The following MON2 variants were observed in gnomAD, a reference collection of about 807,000 sequenced individuals.
MON2 encodes MON2 regulator of endosome-to-Golgi trafficking.
In MON2, 84 loss-of-function variants were observed where a neutral mutation model predicts 208.6. The observed-to-expected ratio is 0.40, with a 90% confidence interval of 0.34 to 0.48. MON2 has a LOEUF of 0.48. MON2 is among the 20% of genes least tolerant of loss of function. The pLI is 0.59. For missense variants in MON2, 1,611 were observed against 2,015.4 expected (o/e 0.80, Z 3.84); for synonymous variants, 660 against 694.0 (o/e 0.95, Z 0.77).
In MON2 at chr12:62,494,032, TC is replaced by T; in HGVS notation, c.294del (p.Val99CysfsTer9). 6.2e-7 allele frequency: 1 copy of T among 1,612,492 alleles called. No individual in the cohort carries two copies. Among genetic ancestry groups the T allele is most frequent in the Non-Finnish European group, 8.5e-7 (1 of 1,179,018 alleles). ...ATTCAGAGACTCATGTCACATGAAG[TC>T]GTGTCTGAGGTAATATGAAGATTTT... The part of the protein sequence containing the change: ...AAIQRLMSHE[V>X]VSETAAGNII... On this transcript the variant is annotated frameshift_variant, in exon 3 of 35. Coordinates refer to ENST00000393630, the MANE Select transcript of MON2 (RefSeq NM_015026.3). LOFTEE classifies it high-confidence loss of function.
chr12:62,560,310 A>T (rs1362043915), intron 25 of MON2, 181 bp from the exon 26 acceptor site: 7 of 573,878 alleles, frequency 1.2e-5, no homozygotes, highest in African/African-American at 3.9e-5. Flanking sequence ...TTTTTTACTG[A>T]ATTTCTAGGT....
intron 30 of MON2, among the ~76,000 whole-genome samples, chr12:62,577,140 C>G (rs2074821498): frequency 6.6e-6 from 1 of 151,980 alleles, no homozygotes; most frequent in Non-Finnish European, 1.5e-5. Flanking sequence ...TTAAACACAA[C>G]TTTTGTCTCT....
chr12:62,487,851 A>C (rs2069888457), intron 2 of MON2, among the ~76,000 whole-genome samples: 1 of 152,132 alleles, frequency 6.6e-6, no homozygotes. Flanking sequence ...AAATACAAGA[A>C]ATACACTTGA....
At chr12:62,585,585 T>C in intron 33 of MON2, 84 bp downstream of exon 33, 1 of 1,106,694 alleles carries the variant, frequency 9.0e-7, no homozygotes, top group South Asian at 1.7e-5. Context: ...AGCAAGTGTT[T>C]TTGTAAGTGA....
intron 1 of MON2, among the ~76,000 whole-genome samples, chr12:62,472,590 G>C (rs752063363): frequency 2.7e-4 from 41 of 152,182 alleles, no homozygotes; most frequent in Non-Finnish European, 4.4e-4. Flanking sequence ...CAGGTGTTTT[G>C]CTTTGTTAAC....
At chr12:62,584,566 G>T (rs1408822783) in intron 32 of MON2, among the ~76,000 whole-genome samples, 1 of 152,000 alleles carries the variant, frequency 6.6e-6, no homozygotes, top group East Asian at 1.9e-4. Flanking sequence ...AGCTGGGTGT[G>T]GTGGCACGTG....
chr12:62,545,597 A>G (rs1188396644), intron 21 of MON2: 2 of 152,124 alleles, frequency 1.3e-5, no homozygotes, highest in Non-Finnish European at 2.9e-5. Context: ...TATGGAGTAC[A>G]TCATGAATTT....
intron 20 of MON2, chr12:62,544,658 T>C: frequency 1.1e-6 from 1 of 894,524 alleles, no homozygotes; most frequent in African/African-American, 1.7e-5. Flanking sequence ...TTCTTTTGTT[T>C]ACCCTGATAT....
intron 24 of MON2, among the ~76,000 whole-genome samples, chr12:62,553,834 T>TC (rs1257601420): frequency 6.6e-6 from 1 of 152,212 alleles, no homozygotes; most frequent in Non-Finnish European, 1.5e-5. Context: ...CTGTTTATAA[T>TC]CCTTTCACTT....
chr12:62,507,372 G>A (rs1498714), intron 7 of MON2, among the ~76,000 whole-genome samples: 97,941 of 150,276 alleles, frequency 0.65, 31,892 homozygotes, highest in Middle Eastern at 0.71. Context: ...TTGGAGTACA[G>A]TGGTGTGATC....
At chr12:62,567,326 C>T (rs957685900) in intron 29 of MON2, among the ~76,000 whole-genome samples, 2 of 152,212 alleles carry the variant, frequency 1.3e-5, no homozygotes, top group Admixed American at 6.5e-5. Context: ...TTGGATACTA[C>T]AAGAATTTTC....
chr12:62,528,850 T>G (rs2072472200), intron 11 of MON2, among the ~76,000 whole-genome samples: 1 of 152,222 alleles, frequency 6.6e-6, no homozygotes, highest in Non-Finnish European at 1.5e-5. Flanking sequence ...TTAAGTTTCT[T>G]TCTGTTTTTC....
At chr12:62,541,323 C>T (rs1565664693) in intron 19 of MON2, among the ~76,000 whole-genome samples, 1 of 145,626 alleles carries the variant, frequency 6.9e-6, no homozygotes, top group Non-Finnish European at 1.5e-5. Context: ...TGCTGTGAGC[C>T]AAGATTGCGC....
Position 62,466,839 on chromosome 12 carries a change from G to C in MON2, c.-369G>C. On this transcript the variant is annotated 5_prime_UTR_variant, in exon 1 of 35. Coordinates refer to ENST00000393630, the MANE Select transcript of MON2 (RefSeq NM_015026.3). ...GGAATTGTGGGCGACTCGGCTAATG[G>C]CGTCGGCGAGTCTTAGGGGCCTGGG... is the stretch of plus-strand genomic sequence containing the variant. 1 of 411,268 alleles carries C rather than the reference G, an allele frequency of 2.4e-6. No individual in the cohort carries two copies. The allele number at this position is 411,268 out of a possible 1,614,324, so 25.5% of individuals were successfully genotyped here.
intron 25 of MON2, among the ~76,000 whole-genome samples, chr12:62,557,508 A>C (rs532241930): frequency 6.6e-6 from 1 of 152,354 alleles, no homozygotes; most frequent in African/African-American, 2.4e-5. Context: ...GTTGCCGATT[A>C]TACTACTTTC....
rs1212022747 is a variant in MON2, at chr12:62,585,451, A to G, written c.4857A>G (p.Leu1619=). The G allele has an allele frequency of 1.2e-6, 2 of 1,613,652 alleles. No homozygotes were observed. The highest frequency in any genetic ancestry group is 1.7e-5 in the Admixed American group (1 of 60,016). Residue 1619 remains leucine, a synonymous_variant, in exon 33 of 35, where the codon CTA becomes CTG. Transcript: ENST00000393630. ...TTTTAAAGAGGTCCCAAGATGTACT[A>G]CATCGCTATATAGAGGATGAAAGAT... ...SVLLKRSQDV[L]HRYIEDERLS...
chr12:62,520,218 A>G (rs1330908376), intron 8 of MON2, among the ~76,000 whole-genome samples: 1 of 152,194 alleles, frequency 6.6e-6, no homozygotes, highest in Non-Finnish European at 1.5e-5. Flanking sequence ...GTCATGCATG[A>G]TTTTGTAACA....
chr12:62,508,417 T>C lies in MON2; in HGVS notation c.921T>C (p.Phe307=), dbSNP rs758896492. 3.7e-6 allele frequency: 6 copies of C among 1,614,146 alleles called. No homozygotes were observed. Among genetic ancestry groups the C allele is most frequent in the Non-Finnish European group, 5.1e-6 (6 of 1,180,012 alleles). The change falls in exon 8 of 35, where the codon TTT becomes TTC. Residue 307 remains phenylalanine, a synonymous_variant. Transcript: ENST00000393630. ...CAGCACCAGTTGAAAAACCATATTT[T>C]CCTATCTGCATGCGTTTGCTGAGAG... ...SSPAPVEKPY[F]PICMRLLRVV...
At position 62,509,368 on chromosome 12, in the gene MON2, A is replaced by G. The variant is rs138768248; in HGVS notation, c.984+888A>G. Among the ~76,000 whole-genome samples the G allele has an allele frequency of 2.6e-3, 394 of 151,990 alleles. 2 individuals carry two copies. Among genetic ancestry groups the G allele is most frequent in the African/African-American group, 8.9e-3 (370 of 41,484 alleles). The stretch of plus-strand genomic sequence containing the variant: ...GACCTCAGGTGATCCACCCGCCTCA[A>G]CCTCCCAAAGTGCTGGGATTACAGG... On this transcript the variant is annotated intron_variant, in intron 8 of 34. Transcript: ENST00000393630.
Sources: allele counts gnomAD v4.1 joint callset (sites outside exome capture counted in the v4.1 genomes callset), GRCh38; gene constraint gnomAD v4.1.1; transcripts MANE v1.5; gene names NCBI Gene and HGNC (gene_info 2026-07-23, HGNC 2026-07-21).